GALNT15: variants seen among roughly 807,000 people sequenced by gnomAD.
GALNT15 encodes the protein UDP-GalNAc transferase T15.
In GALNT15, 67 loss-of-function variants were observed where a neutral mutation model predicts 66.8. The observed-to-expected ratio is 1.00, with a 90% CI of 0.82 to 1.23. The LOEUF is 1.23. GALNT15 is among the 50% of genes most tolerant of loss of function. The probability of loss-of-function intolerance (pLI) is 0.00; values close to 1 mark genes in which losing one functional copy is unlikely to be tolerated. For missense variants in GALNT15, 827 were observed against 804.3 expected, an observed-to-expected ratio of 1.03 and a Z score of -0.34; for synonymous variants, 313 against 311.5, an observed-to-expected ratio of 1.00 and a Z score of -0.05.
chr3:16,231,823 G>A, downstream of GALNT15: 1 of 1,536,338 alleles, frequency 6.5e-7, no homozygotes, highest in Non-Finnish European at 8.7e-7. The surrounding 1 kb of genome is among the most constrained non-coding windows in gnomAD (Gnocchi z 4.1). Flanking sequence ...TGCTGCTGCT[G>A]AAGCTTATCA....
downstream of GALNT15, among the ~76,000 whole-genome samples, chr3:16,234,960 T>C (rs1023521555): frequency 6.6e-6 from 1 of 150,958 alleles, no homozygotes; most frequent in African/African-American, 2.4e-5. Context: ...TCTCACTCCG[T>C]TGCCCAGGCT....
chr3:16,230,964 TA>T (rs1237909702), downstream of GALNT15, among the ~76,000 whole-genome samples: 1 of 151,960 alleles, frequency 6.6e-6, no homozygotes, highest in African/African-American at 2.4e-5. This position sits in a 1 kb window ranked among gnomAD's most constrained non-coding sequence, Gnocchi z 4.5. Flanking sequence ...TATGCAGCCA[TA>T]AAAAAGAATG....
chr3:16,210,751 G>C (rs140982401), intron 4 of GALNT15, among the ~76,000 whole-genome samples: 1 of 152,164 alleles, frequency 6.6e-6, no homozygotes, highest in Non-Finnish European at 1.5e-5. Context: ...CCATGTCGCC[G>C]TGTCAGGCCT....
intron 6 of GALNT15, among the ~76,000 whole-genome samples, 173 bp downstream of exon 6, chr3:16,212,936 G>T (rs894927860): frequency 1.3e-5 from 2 of 152,128 alleles, no homozygotes; most frequent in Non-Finnish European, 2.9e-5. Flanking sequence ...GCTGTCCTTT[G>T]TCTCTCTGGC....
chr3:16,236,387 CA>C (rs1388089229), downstream of GALNT15, among the ~76,000 whole-genome samples: 6 of 152,280 alleles, frequency 3.9e-5, no homozygotes, highest in Admixed American at 6.5e-5. Flanking sequence ...CATTGTGGTA[CA>C]AAAGGAGCCG....
rs753377751 is a variant in GALNT15 at position 16,209,144 on chromosome 3, G to A, written c.1079+474G>A. ...TCAAATATATCCTATTGTATGGGTCGCTTCTCACATGTTTGGTTTTTGGAT... is the reference window on the plus strand; with the variant it reads ...TCAAATATATCCTATTGTATGGGTCACTTCTCACATGTTTGGTTTTTGGAT... On this transcript the variant is annotated intron_variant, in intron 4 of 9. Coordinates refer to ENST00000339732, the MANE Select transcript of GALNT15 (RefSeq NM_054110.5). This position sits in a 1 kb window ranked among gnomAD's most constrained non-coding sequence, Gnocchi z 4.1. 1.3e-5 allele frequency among the ~76,000 whole-genome samples: 2 copies of A among 152,120 alleles called. No individual in the cohort carries two copies. The highest frequency in any genetic ancestry group is 2.4e-5 in the African/African-American group (1 of 41,418).
intron 3 of GALNT15, among the ~76,000 whole-genome samples, chr3:16,207,705 C>T (rs933525217): frequency 5.9e-5 from 9 of 152,054 alleles, no homozygotes; most frequent in African/African-American, 2.2e-4. Context: ...CAGTTTTACA[C>T]TACAAGGAGG....
chr3:16,174,831 T>C lies in GALNT15; in HGVS notation c.-321T>C. 2.8e-6 allele frequency: 1 copy of C among 352,542 alleles called. No homozygotes were observed. Among genetic ancestry groups the C allele is most frequent in the Non-Finnish European group, 5.2e-6 (1 of 191,322 alleles). The allele number at this position is 352,542 out of a possible 1,614,324, so 21.8% of individuals were successfully genotyped here. Reference sequence around the variant, plus strand: ...ACACCTGAGCAGAATGGAATCATTATTTTTTTCCCAAGGAGAAAACCGGGG... The same window carrying C: ...ACACCTGAGCAGAATGGAATCATTACTTTTTTCCCAAGGAGAAAACCGGGG... On this transcript the variant is annotated 5_prime_UTR_variant, in exon 1 of 10. Coordinates refer to ENST00000339732, the MANE Select transcript of GALNT15 (RefSeq NM_054110.5). This position sits in a 1 kb window ranked among gnomAD's most constrained non-coding sequence, Gnocchi z 4.7.
At position 16,204,756 on chromosome 3, in the gene GALNT15, C is replaced by T. The variant is rs556350276; in HGVS notation, c.912-3747C>T. 4.6e-5 allele frequency among the ~76,000 whole-genome samples: 7 copies of T among 151,216 alleles called. No individual in the cohort carries two copies. The highest frequency in any genetic ancestry group is 9.9e-5 in the African/African-American group (4 of 40,520). On this transcript the variant is annotated intron_variant, in intron 3 of 9. Transcript: ENST00000339732. The surrounding 1 kb of genome is among the most constrained non-coding windows in gnomAD (Gnocchi z 4.5). Reference sequence around the variant, plus strand: ...GTCTGGTCCCTATCTGCGAGACATCCGGTCCTTCAGGATCAGCCAGGGGTG... The same window carrying T: ...GTCTGGTCCCTATCTGCGAGACATCTGGTCCTTCAGGATCAGCCAGGGGTG...
At chr3:16,217,795 T>C (rs1458764795) in intron 6 of GALNT15, among the ~76,000 whole-genome samples, 1 of 152,194 alleles carries the variant, frequency 6.6e-6, no homozygotes, top group Non-Finnish European at 1.5e-5. Context: ...TATGAAGAAA[T>C]GTTTCTGTTT....
intron 2 of GALNT15, among the ~76,000 whole-genome samples, chr3:16,198,516 G>C (rs576999066): frequency 7.1e-6 from 1 of 141,668 alleles, no homozygotes; most frequent in Admixed American, 7.1e-5. Flanking sequence ...GAGAATGAAT[G>C]GTGAGGAAGA....
rs558445375 is a variant in GALNT15, at chr3:16,175,840, C to G, written c.539+150C>G. ...GTACCTGGGCCAGCAGCGTCAGCAGCCCCTGGGCACTGGTGGGTTCTCAGA... is the reference window on the plus strand; with the variant it reads ...GTACCTGGGCCAGCAGCGTCAGCAGGCCCTGGGCACTGGTGGGTTCTCAGA... On this transcript the variant is annotated intron_variant, in intron 1 of 9. Transcript: ENST00000339732. This position sits in a 1 kb window ranked among gnomAD's most constrained non-coding sequence, Gnocchi z 5.6. 5 of 688,938 alleles carry G rather than the reference C, an allele frequency of 7.3e-6. No individual in the cohort carries two copies. In the African/African-American group the frequency reaches 9.0e-5, roughly 12 times the overall value. 42.7% of individuals were successfully genotyped at this position (688,938 alleles called of 1,614,324 possible). A position where few individuals can be genotyped will look rare whatever the true frequency, so the allele number is the denominator to read the frequency against.
the GALNT15 span, among the ~76,000 whole-genome samples, chr3:16,247,684 A>C: frequency 6.6e-6 from 1 of 152,248 alleles, no homozygotes; most frequent in African/African-American, 2.4e-5. Flanking sequence ...TTGTAAATGA[A>C]GCATCATTTC....
chr3:16,206,826 G>C (rs2063762990), intron 3 of GALNT15, among the ~76,000 whole-genome samples: 1 of 152,040 alleles, frequency 6.6e-6, no homozygotes, highest in African/African-American at 2.4e-5. Context: ...TCCTAATTCA[G>C]CCACACAGTT....
chr3:16,194,871 G>A (rs763357911), intron 1 of GALNT15, among the ~76,000 whole-genome samples: 1 of 152,290 alleles, frequency 6.6e-6, no homozygotes, highest in East Asian at 1.9e-4. Context: ...AATAACTAAT[G>A]CATGTGGGGC....
Position 16,209,786 on chromosome 3 carries a change from C to T in GALNT15, c.1079+1116C>T, listed in dbSNP as rs569417260. ...GCAATGAGCTGAGACCACACTACTG[C>T]ACTCTAGCCTGGGTGACAGAGCAAG... On this transcript the variant is annotated intron_variant, in intron 4 of 9. Coordinates refer to ENST00000339732, the MANE Select transcript of GALNT15 (RefSeq NM_054110.5). The surrounding 1 kb of genome is among the most constrained non-coding windows in gnomAD (Gnocchi z 4.1). Among the ~76,000 whole-genome samples the T allele has an allele frequency of 5.0e-4, 76 of 152,334 alleles. 1 individual carries two copies. Among genetic ancestry groups the T allele is most frequent in the Admixed American group, 2.7e-3 (41 of 15,298 alleles).
At chr3:16,212,069 G>A (rs1470929846) in intron 5 of GALNT15, among the ~76,000 whole-genome samples, 1 of 152,174 alleles carries the variant, frequency 6.6e-6, no homozygotes, top group South Asian at 2.1e-4. Flanking sequence ...AGCCGTTTGG[G>A]AGTGGGAGAG....
At chr3:16,198,526 A>T (rs181945992) in intron 2 of GALNT15, among the ~76,000 whole-genome samples, 10 of 141,896 alleles carry the variant, frequency 7.0e-5, no homozygotes, top group Admixed American at 5.0e-4. Context: ...GGTGAGGAAG[A>T]TGTTACATTT....
chr3:16,221,181 AT>A (rs1465078385), intron 8 of GALNT15, among the ~76,000 whole-genome samples: 10 of 76,568 alleles, frequency 1.3e-4, no homozygotes, highest in African/African-American at 5.9e-4. Flanking sequence ...AAAAAGAAGA[AT>A]AAAAAAAAAA....
Sources: allele counts gnomAD v4.1 joint callset (sites outside exome capture counted in the v4.1 genomes callset), GRCh38; gene constraint gnomAD v4.1.1; non-coding constraint Gnocchi (gnomAD v3.1); transcripts MANE v1.5; gene names NCBI Gene and HGNC (gene_info 2026-07-23, HGNC 2026-07-21).